FGF14: variants seen among roughly 807,000 people sequenced by gnomAD.
The protein encoded by FGF14 is fibroblast growth factor homologous factor 4.
In FGF14, 5 loss-of-function variants were observed where a neutral mutation model predicts 25.5. The observed-to-expected ratio is 0.20, with a 90% CI of 0.10 to 0.41. The LOEUF (loss-of-function observed/expected upper bound fraction) is 0.41, where lower values mean the gene tolerates loss of function less well. FGF14 is among the 10% of genes least tolerant of loss of function. FGF14 has a pLI of 1.00. For synonymous variants in FGF14, 138 were observed against 118.3 expected (o/e 1.17, Z -1.08); for missense variants, 222 against 320.1 (o/e 0.69, Z 2.34).
intron 1 of FGF14, among the ~76,000 whole-genome samples, chr13:102,218,763 G>A (rs541069150): frequency 1.4e-4 from 22 of 151,920 alleles, no homozygotes; most frequent in Non-Finnish European, 2.6e-4. Context: ...CTCATAAAAC[G>A]ATACACTCAT....
At chr13:101,888,317 T>C (rs2046097700) in intron 1 of FGF14, among the ~76,000 whole-genome samples, 1 of 147,168 alleles carries the variant, frequency 6.8e-6, no homozygotes, top group Non-Finnish European at 1.5e-5. Context: ...GTAAAATAAA[T>C]GTTAAAATTT....
chr13:102,161,635 A>T (rs1361826664), intron 1 of FGF14, among the ~76,000 whole-genome samples: 187 of 11,398 alleles, frequency 0.016, 18 homozygotes, highest in African/African-American at 0.079. Context: ...GAAGAAGAAG[A>T]AGAAGAAGAA....
chr13:102,026,542 T>C (rs971355897), intron 1 of FGF14, among the ~76,000 whole-genome samples: 4 of 151,978 alleles, frequency 2.6e-5, no homozygotes, highest in African/African-American at 7.2e-5. Context: ...TAAAAAAATT[T>C]GCTATCTTTT....
rs549294790 is a variant in FGF14, at chr13:102,084,751, C to A, written c.209-209455G>T. 5.3e-5 allele frequency among the ~76,000 whole-genome samples: 8 copies of A among 152,302 alleles called. 1 individual carries two copies. Among genetic ancestry groups the A allele is most frequent in the Admixed American group, 4.6e-4 (7 of 15,300 alleles). On this transcript the variant is annotated intron_variant, in intron 1 of 4. Coordinates refer to the FGF14 transcript ENST00000376131. ...CAGATAACTTGTATTCCCTCATGAT[C>A]AGCACAAGCGAAATGCACTGATGGA...
chr13:102,071,591 T>C (rs920988672), intron 1 of FGF14, among the ~76,000 whole-genome samples: 1 of 152,242 alleles, frequency 6.6e-6, no homozygotes. Context: ...TCACTGTCTT[T>C]CTTGGGTCCA....
chr13:102,385,974 ATG>A (rs1032536478), intron 1 of FGF14, among the ~76,000 whole-genome samples: 9 of 152,076 alleles, frequency 5.9e-5, no homozygotes, highest in African/African-American at 2.2e-4. Flanking sequence ...AATAAATATG[ATG>A]TGTTTTACCC....
intron 1 of FGF14, among the ~76,000 whole-genome samples, chr13:102,117,294 A>G (rs1182447224): frequency 6.6e-6 from 1 of 151,818 alleles, no homozygotes; most frequent in Non-Finnish European, 1.5e-5. Flanking sequence ...CCCACCTCAC[A>G]TAGCCCAACT....
chr13:102,205,002 GA>G (rs1054058192), intron 1 of FGF14, among the ~76,000 whole-genome samples: 32 of 152,292 alleles, frequency 2.1e-4, no homozygotes, highest in African/African-American at 7.7e-4. Context: ...TACTTCAGGG[GA>G]AAACTGGCAA....
intron 1 of FGF14, among the ~76,000 whole-genome samples, chr13:102,346,719 G>A (rs554876105): frequency 7.6e-4 from 116 of 151,994 alleles, no homozygotes; most frequent in African/African-American, 2.7e-3. Flanking sequence ...GATGTTTCTC[G>A]GTAGTGGCAT....
chr13:102,189,000 GAAAGAAAGAGAAAGAATGAAAGAAGA>G (rs1187020198), intron 1 of FGF14, among the ~76,000 whole-genome samples: 6,257 of 74,186 alleles, frequency 0.084, 192 homozygotes, highest in African/African-American at 0.13. Context: ...AAGAAAGAAA[GAAAGAAAGAGAAAGAATGAAAGAAGA>G]AAAGAAAGAA....
intron 1 of FGF14, among the ~76,000 whole-genome samples, chr13:101,989,295 A>G (rs2038769368): frequency 1.3e-5 from 2 of 152,078 alleles, no homozygotes; most frequent in Admixed American, 1.3e-4. Flanking sequence ...AAAAACTCCA[A>G]TTCACAAATA....
At chr13:101,948,136 T>C (rs1417760223) in intron 1 of FGF14, among the ~76,000 whole-genome samples, 1 of 152,214 alleles carries the variant, frequency 6.6e-6, no homozygotes, top group Non-Finnish European at 1.5e-5. Context: ...AACTTAGCAA[T>C]GGTACATAGT....
intron 1 of FGF14, among the ~76,000 whole-genome samples, chr13:102,153,031 G>T (rs1198174683): frequency 6.6e-6 from 1 of 152,204 alleles, no homozygotes; most frequent in African/African-American, 2.4e-5. Context: ...GCTGGGAGCT[G>T]CAAGGCTGCT....
At position 102,385,238 on chromosome 13, in the gene FGF14, A is replaced by G. The variant is rs577135803; in HGVS notation, c.208+16233T>C. Among the ~76,000 whole-genome samples, 17 of 152,342 alleles carry G rather than the reference A, an allele frequency of 1.1e-4. No individual in the cohort carries two copies. In the South Asian group the frequency reaches 3.1e-3, roughly 28 times the overall value. On this transcript the variant is annotated intron_variant, in intron 1 of 4. Coordinates refer to the FGF14 transcript ENST00000376131. ...TTCTGCCTTTCTTCTAATACCTGCTAGTATACAGAAAAATCATGGTATCAG... is the reference window on the plus strand; with the variant it reads ...TTCTGCCTTTCTTCTAATACCTGCTGGTATACAGAAAAATCATGGTATCAG...
chr13:102,196,713 C>A (rs1231133253), intron 1 of FGF14, among the ~76,000 whole-genome samples: 1 of 152,158 alleles, frequency 6.6e-6, no homozygotes, highest in Non-Finnish European at 1.5e-5. Context: ...ACCCTTTTAG[C>A]AATTTTGAAA....
At chr13:102,058,794 C>T (rs1192978696) in intron 1 of FGF14, among the ~76,000 whole-genome samples, 1 of 152,028 alleles carries the variant, frequency 6.6e-6, no homozygotes, top group Non-Finnish European at 1.5e-5. Flanking sequence ...CCTGAAATTT[C>T]CCCTACTGCT....
intron 1 of FGF14, among the ~76,000 whole-genome samples, chr13:102,096,721 C>T (rs904682133): frequency 6.6e-6 from 1 of 152,128 alleles, no homozygotes; most frequent in African/African-American, 2.4e-5. Flanking sequence ...TTCAAGCTGC[C>T]ATTAAACATG....
intron 2 of FGF14, among the ~76,000 whole-genome samples, chr13:101,874,439 C>T (rs149992255): frequency 2.2e-3 from 336 of 152,134 alleles, no homozygotes; most frequent in African/African-American, 7.8e-3. Context: ...AAAAAGTGTG[C>T]TTATTTTGGA....
At chr13:101,742,065 G>A (rs554947559) in intron 3 of FGF14, among the ~76,000 whole-genome samples, 2 of 152,272 alleles carry the variant, frequency 1.3e-5, no homozygotes, top group African/African-American at 4.8e-5. Flanking sequence ...TCAGGCCCCA[G>A]TGTGTGATGT....
Sources: allele counts gnomAD v4.1 joint callset (sites outside exome capture counted in the v4.1 genomes callset), GRCh38; gene constraint gnomAD v4.1.1; transcripts MANE v1.5; gene names NCBI Gene and HGNC (gene_info 2026-07-23, HGNC 2026-07-21).